The following CADM2 variants were observed in gnomAD, a reference collection of about 807,000 sequenced individuals.
CADM2 encodes the protein immunoglobulin superfamily member 4D.
In CADM2, 12 loss-of-function variants were observed where a neutral mutation model predicts 49.8. That is an observed-to-expected ratio of 0.24 (90% CI 0.15 to 0.39). CADM2 has a LOEUF of 0.39. CADM2 is among the 10% of genes least tolerant of loss of function. CADM2 has a pLI of 1.00. For missense variants in CADM2, 378 were observed against 492.3 expected (o/e 0.77, Z 2.20); for synonymous variants, 214 against 175.4 (o/e 1.22, Z -1.74).
At chr3:85,285,662 A>G (rs890781358) in intron 1 of CADM2, among the ~76,000 whole-genome samples, 56 of 152,070 alleles carry the variant, frequency 3.7e-4, no homozygotes, top group African/African-American at 1.3e-3. Flanking sequence ...CAAACCAAAA[A>G]GGACAGAATT....
At chr3:85,378,395 C>T (rs1479671961) in intron 1 of CADM2, among the ~76,000 whole-genome samples, 1 of 151,986 alleles carries the variant, frequency 6.6e-6, no homozygotes, top group Non-Finnish European at 1.5e-5. Flanking sequence ...GAGAGATCTT[C>T]CACCCTTGTC....
chr3:85,110,817 A>T (rs936811837), intron 1 of CADM2, among the ~76,000 whole-genome samples: 2 of 151,828 alleles, frequency 1.3e-5, no homozygotes, highest in African/African-American at 4.8e-5. Flanking sequence ...AAGGCCGAGG[A>T]AGAAGGAAGG....
intron 1 of CADM2, among the ~76,000 whole-genome samples, chr3:85,303,807 C>T (rs11926317): frequency 0.68 from 103,067 of 151,590 alleles, 35,876 homozygotes; most frequent in African/African-American, 0.82. Flanking sequence ...AATTCGGATT[C>T]TTCGTTCCAA....
chr3:85,362,327 A>G (rs1173206154), intron 1 of CADM2, among the ~76,000 whole-genome samples: 2 of 152,164 alleles, frequency 1.3e-5, no homozygotes, highest in Non-Finnish European at 2.9e-5. Context: ...CTAGTCCTCA[A>G]ATTTTACTTA....
intron 1 of CADM2, among the ~76,000 whole-genome samples, chr3:85,511,021 AATTTTAAAACATTTATAAC>A (rs1303175486): frequency 6.6e-6 from 1 of 152,090 alleles, no homozygotes; most frequent in Non-Finnish European, 1.5e-5. Context: ...TTTTAAATGT[AATTTTAAAACATTTATAAC>A]CCCAATAAGG....
chr3:85,117,949 G>A (rs1032660043), intron 1 of CADM2, among the ~76,000 whole-genome samples: 1 of 152,032 alleles, frequency 6.6e-6, no homozygotes, highest in African/African-American at 2.4e-5. Context: ...TCTAAAAATT[G>A]TATTCTTCTC....
At chr3:85,030,123 T>C (rs533937287) in intron 1 of CADM2, among the ~76,000 whole-genome samples, 18 of 152,304 alleles carry the variant, frequency 1.2e-4, no homozygotes, top group Admixed American at 1.0e-3. Flanking sequence ...GCATTAAGTA[T>C]CTTAAACTCC....
intron 1 of CADM2, among the ~76,000 whole-genome samples, chr3:85,477,399 A>AAAAT (rs77600651): frequency 1.1e-4 from 16 of 151,552 alleles, no homozygotes; most frequent in Non-Finnish European, 1.8e-4. Flanking sequence ...ATGAAAAAAA[A>AAAAT]ATGTTAAAAT....
At chr3:85,346,969 T>C (rs1328421086) in intron 1 of CADM2, among the ~76,000 whole-genome samples, 1 of 152,016 alleles carries the variant, frequency 6.6e-6, no homozygotes, top group Non-Finnish European at 1.5e-5. Context: ...TGTTTTTTAC[T>C]TATTAAAGAA....
intron 1 of CADM2, among the ~76,000 whole-genome samples, chr3:85,279,297 G>A (rs1356301032): frequency 6.6e-6 from 1 of 151,402 alleles, no homozygotes; most frequent in African/African-American, 2.4e-5. Context: ...TGAGTACATT[G>A]TAATAGTGGA....
rs142272218 is a variant in CADM2 at position 86,042,002 on chromosome 3, C to A, written c.971-23603C>A. On this transcript the variant is annotated intron_variant, in intron 8 of 9. Coordinates refer to ENST00000383699, the MANE Select transcript of CADM2 (RefSeq NM_001167675.2). ...TACAGGGTACATAATGAAATGAAGG[C>A]AGAAATAAAGATGTTCTTTGAAACC... Among the ~76,000 whole-genome samples, 581 of 152,254 alleles carry A rather than the reference C, an allele frequency of 3.8e-3. 2 individuals are homozygous for A. The highest frequency in any genetic ancestry group is 0.013 in the African/African-American group (557 of 41,546).
intron 8 of CADM2, among the ~76,000 whole-genome samples, chr3:86,026,972 G>T (rs1233090245): frequency 6.6e-6 from 1 of 152,000 alleles, no homozygotes; most frequent in Non-Finnish European, 1.5e-5. Flanking sequence ...CTTTCAAAAG[G>T]AGAAAATGGA....
chr3:85,185,184 T>C (rs1305786755), intron 1 of CADM2, among the ~76,000 whole-genome samples: 1 of 152,094 alleles, frequency 6.6e-6, no homozygotes, highest in Non-Finnish European at 1.5e-5. Flanking sequence ...TATCTTTTTT[T>C]GGCTGGGATA....
At chr3:85,777,679 C>T (rs954580072) in intron 2 of CADM2, among the ~76,000 whole-genome samples, 3 of 152,188 alleles carry the variant, frequency 2.0e-5, no homozygotes, top group African/African-American at 7.2e-5. Flanking sequence ...AAGTAAAATT[C>T]GGTTTATGAA....
At position 86,067,738 on chromosome 3, in the gene CADM2, G is replaced by A. The variant is rs1484204221; in HGVS notation, c.*955G>A. On this transcript the variant is annotated 3_prime_UTR_variant, in exon 10 of 10. Coordinates refer to ENST00000383699, the MANE Select transcript of CADM2 (RefSeq NM_001167675.2). ...TTGGCTGTATGTAATTCAGTCATAA[G>A]TAAGCATTTTCTAACGTCCATTATA... The A allele has an allele frequency of 6.6e-6, 1 of 152,542 alleles. No individual in the cohort carries two copies. The highest frequency in any genetic ancestry group is 1.5e-5 in the Non-Finnish European group (1 of 67,916). 9.4% of individuals were successfully genotyped at this position (152,542 alleles called of 1,614,324 possible). A position where few individuals can be genotyped will look rare whatever the true frequency, so the allele number is the denominator to read the frequency against.
intron 5 of CADM2, among the ~76,000 whole-genome samples, chr3:85,888,953 A>G (rs1714044752): frequency 6.6e-6 from 1 of 152,162 alleles, no homozygotes; most frequent in Non-Finnish European, 1.5e-5. Context: ...CACGTTTTAA[A>G]AAGACACTCC....
chr3:85,780,730 T>A (rs2070594532), intron 2 of CADM2, among the ~76,000 whole-genome samples: 1 of 152,192 alleles, frequency 6.6e-6, no homozygotes, highest in Admixed American at 6.5e-5. Context: ...CTTAATTTTT[T>A]TCTTGCCTTT....
chr3:85,386,592 A>G (rs931202037), intron 1 of CADM2, among the ~76,000 whole-genome samples: 2 of 152,212 alleles, frequency 1.3e-5, no homozygotes, highest in African/African-American at 2.4e-5. Flanking sequence ...TCTCACTGAC[A>G]GTGTGCGTGT....
At chr3:85,030,257 C>A (rs193285537) in intron 1 of CADM2, among the ~76,000 whole-genome samples, 15 of 152,246 alleles carry the variant, frequency 9.9e-5, no homozygotes, top group Admixed American at 2.6e-4. Context: ...ATGTTAATTT[C>A]TTTTGTTATG....
Sources: gnomAD v4.1 joint callset for allele counts (sites outside exome capture counted in the v4.1 genomes callset) on GRCh38, gnomAD v4.1.1 for gene constraint, MANE v1.5 for transcripts, NCBI Gene and HGNC (gene_info 2026-07-23, HGNC 2026-07-21) for gene names.